Variants in CFAP54 observed in about 807,000 individuals in gnomAD.
CFAP54 encodes the protein cilia- and flagella-associated protein 54.
A neutral mutation model predicts 370.4 loss-of-function variants in CFAP54; 290 were observed. The observed-to-expected ratio is 0.78, with a 90% CI of 0.71 to 0.86. The LOEUF (loss-of-function observed/expected upper bound fraction) is 0.86. CFAP54 is among the 40% of genes least tolerant of loss of function. The probability of loss-of-function intolerance (pLI) is 0.00; values close to 1 mark genes in which losing one functional copy is unlikely to be tolerated. For missense variants in CFAP54, 3,399 were observed against 3,528.7 expected, an observed-to-expected ratio of 0.96 and a Z score of 0.93; for synonymous variants, 1,206 against 1,236.5, an observed-to-expected ratio of 0.98 and a Z score of 0.52.
At chr12:96,559,853 T>C (rs1955797460) in intron 17 of CFAP54, among the ~76,000 whole-genome samples, 1 of 152,102 alleles carries the variant, frequency 6.6e-6, no homozygotes, top group African/African-American at 2.4e-5. Flanking sequence ...ATATAGTCAA[T>C]TATTTTTTAG....
chr12:96,872,076 A>G (rs1960184008), intron 67 of CFAP54, among the ~76,000 whole-genome samples: 1 of 152,140 alleles, frequency 6.6e-6, no homozygotes. Context: ...TGGATTTAGG[A>G]AGTTCAATGA....
rs12296837 is a variant in CFAP54, at chr12:96,752,560, A to T, written c.7685-1183A>T. On this transcript the variant is annotated intron_variant, in intron 55 of 67. Coordinates refer to ENST00000524981, the MANE Select transcript of CFAP54 (RefSeq NM_001306084.2). Reference sequence around the variant, plus strand: ...ATCCAATCAATTAATTATTTCTCCTACTTCCATTCTCCTCTTTATGCCAAC... The same window carrying T: ...ATCCAATCAATTAATTATTTCTCCTTCTTCCATTCTCCTCTTTATGCCAAC... Among the ~76,000 whole-genome samples, 974 of 152,186 alleles carry T rather than the reference A, an allele frequency of 6.4e-3. 11 individuals carry two copies. The highest frequency in any genetic ancestry group is 0.022 in the African/African-American group (918 of 41,510).
intron 46 of CFAP54, among the ~76,000 whole-genome samples, chr12:96,700,670 G>T (rs1957482039): frequency 1.3e-5 from 2 of 152,108 alleles, no homozygotes; most frequent in South Asian, 4.2e-4. Context: ...GAATACTGGA[G>T]TTGACGTTTA....
At chr12:96,688,829 G>A in intron 42 of CFAP54, 87 bp from the exon 43 acceptor site, 1 of 659,900 alleles carries the variant, frequency 1.5e-6, no homozygotes, top group Non-Finnish European at 2.6e-6. Flanking sequence ...TACTTTTTGT[G>A]TTCTAGATAT....
At position 96,638,205 on chromosome 12, in the gene CFAP54, ATGTGTGTGTGTGTGTG is replaced by A. The variant is rs756775917; in HGVS notation, c.4317-5951_4317-5936del. On this transcript the variant is annotated intron_variant, in intron 32 of 67. Transcript: ENST00000524981. ...GCATCATATATATATATATATATGC[ATGTGTGTGTGTGTGTG>A]TGTGTGTGTGTGTGTGTGTGTATAT... Among the ~76,000 whole-genome samples, 16 of 122,658 alleles carry A rather than the reference ATGTGTGTGTGTGTGTG, an allele frequency of 1.3e-4. No individual in the cohort carries two copies. In the South Asian group the frequency reaches 1.4e-3, roughly 10 times the overall value. 80.5% of individuals were successfully genotyped at this position (122,658 alleles called of 152,430 possible). A position where few individuals can be genotyped will look rare whatever the true frequency, so the allele number is the denominator to read the frequency against.
chr12:96,639,880 C>A (rs1413140836), intron 32 of CFAP54, among the ~76,000 whole-genome samples: 1 of 152,152 alleles, frequency 6.6e-6, no homozygotes, highest in East Asian at 1.9e-4. Flanking sequence ...AATTGAACAA[C>A]ATTCTTGCTA....
chr12:96,702,224 A>G (rs79834344), intron 46 of CFAP54, among the ~76,000 whole-genome samples: 3 of 14,342 alleles, frequency 2.1e-4, no homozygotes, highest in African/African-American at 1.5e-3. Flanking sequence ...TCCAGATAGG[A>G]GCATGTTAAG....
intron 24 of CFAP54, 66 bp from the exon 25 acceptor site, chr12:96,594,225 C>G (rs1956152823): frequency 8.9e-7 from 1 of 1,119,644 alleles, no homozygotes; most frequent in African/African-American, 1.5e-5. Flanking sequence ...TCTACCCATT[C>G]TCCGTAGAGA....
intron 60 of CFAP54, among the ~76,000 whole-genome samples, chr12:96,778,587 G>A (rs1464420142): frequency 1.3e-5 from 2 of 151,920 alleles, no homozygotes; most frequent in Admixed American, 6.6e-5. Context: ...AATTGCTTTG[G>A]GCATTATTCC....
Position 96,580,640 on chromosome 12 carries a change from A to G in CFAP54, c.2840A>G (p.Tyr947Cys), listed in dbSNP as rs1956024076. ...CILGCKAEGS[Y>C]GKVRLNNNHL... ...TTGGGTTGCAAAGCAGAAGGAAGTTATGGAAAAGTACGGCTAAACAATAAT... is the reference window on the plus strand; with the variant it reads ...TTGGGTTGCAAAGCAGAAGGAAGTTGTGGAAAAGTACGGCTAAACAATAAT... The change falls in exon 21 of 68, where the codon TAT becomes TGT. Residue 947 changes from tyrosine to cysteine, a missense_variant. Tyr to Cys is a radical substitution (Grantham distance 194). This residue lies in a region of CFAP54 where 2,796 missense variants were observed against 2,869.7 expected (regional missense o/e 0.97). Transcript: ENST00000524981. 6.5e-7 allele frequency: 1 copy of G among 1,528,098 alleles called. No individual in the cohort carries two copies. The highest frequency in any genetic ancestry group is 2.5e-5 in the East Asian group (1 of 40,526). The allele number at this position is 1,528,098 out of a possible 1,614,324, so 94.7% of individuals were successfully genotyped here. A position where few individuals can be genotyped will look rare whatever the true frequency, so the allele number is the denominator to read the frequency against.
At chr12:96,626,604 T>C (rs1022192483) in intron 29 of CFAP54, among the ~76,000 whole-genome samples, 9 of 152,106 alleles carry the variant, frequency 5.9e-5, no homozygotes, top group Admixed American at 1.3e-4. Context: ...AGAAAATAAA[T>C]TTAATATAGA....
At chr12:96,752,837 T>C (rs1237890016) in intron 55 of CFAP54, among the ~76,000 whole-genome samples, 1 of 152,174 alleles carries the variant, frequency 6.6e-6, no homozygotes, top group South Asian at 2.1e-4. Context: ...TAGTTTAGAG[T>C]GTGGGCCCTG....
At chr12:96,846,621 G>T (rs1312638575) in intron 66 of CFAP54, among the ~76,000 whole-genome samples, 1 of 152,156 alleles carries the variant, frequency 6.6e-6, no homozygotes. Context: ...GTCTCCTTTG[G>T]TCGTATAGAA....
At chr12:96,689,113 C>A in intron 43 of CFAP54, 131 bp downstream of exon 43, 1 of 533,098 alleles carries the variant, frequency 1.9e-6, no homozygotes. Flanking sequence ...TATGACAAGC[C>A]CGTCTTTCTC....
At chr12:96,682,640 C>T (rs575573041) in intron 40 of CFAP54, among the ~76,000 whole-genome samples, 9 of 152,224 alleles carry the variant, frequency 5.9e-5, no homozygotes, top group Non-Finnish European at 1.3e-4. Flanking sequence ...CCTCCCAAAA[C>T]GCTGGTACAG....
At position 96,623,872 on chromosome 12, in the gene CFAP54, A is replaced by G. The variant is rs953322970; in HGVS notation, c.3877A>G (p.Thr1293Ala). The G allele has an allele frequency of 2.6e-6, 4 of 1,527,970 alleles. No individual in the cohort carries two copies. Among genetic ancestry groups the G allele is most frequent in the Non-Finnish European group, 2.6e-6 (3 of 1,140,438 alleles). The allele number at this position is 1,527,970 out of a possible 1,614,324, so 94.7% of individuals were successfully genotyped here. A position where few individuals can be genotyped will look rare whatever the true frequency, so the allele number is the denominator to read the frequency against. The change falls in exon 28 of 68, where the codon ACA (threonine) becomes GCA (alanine). Residue 1293 changes from threonine (T) to alanine (A), a missense_variant. Physicochemically the swap from Thr to Ala is moderately conservative, Grantham distance 58 (BLOSUM62 0). Transcript: ENST00000524981. ...GTTGGAGACACACCTACTCAAACTGACAAAGCAATGTAATCATTTGTTTTC... is the reference window on the plus strand; with the variant it reads ...GTTGGAGACACACCTACTCAAACTGGCAAAGCAATGTAATCATTTGTTTTC... ...ALLETHLLKL[T>A]KQYVTSELSG...
chr12:96,682,624 C>A (rs1194929917), intron 40 of CFAP54, among the ~76,000 whole-genome samples: 1 of 152,186 alleles, frequency 6.6e-6, no homozygotes, highest in Non-Finnish European at 1.5e-5. Context: ...TATAAGCCCA[C>A]CTGAGCCTCC....
chr12:96,861,657 T>A lies in CFAP54; in HGVS notation c.*14+705T>A, dbSNP rs1057366010. On this transcript the variant is annotated intron_variant, in intron 67 of 67. Transcript: ENST00000524981. Reference sequence around the variant, plus strand: ...TGCTAGCTTTGCTACTTTGGAGAATTAACTTAAATTCTGTAAGCTTTTATT... The same window carrying A: ...TGCTAGCTTTGCTACTTTGGAGAATAAACTTAAATTCTGTAAGCTTTTATT... Among the ~76,000 whole-genome samples the A allele has an allele frequency of 2.0e-5, 3 of 152,348 alleles. No individual in the cohort carries two copies. The East Asian group carries it at 5.8e-4, about 29-fold the overall frequency.
At position 96,693,706 on chromosome 12, in the gene CFAP54, G is replaced by GT. The variant is rs1201243012; in HGVS notation, c.6265-11dup. ...TAAAATATATTTTGAAACAAAGAGT[G>GT]TTTTTCTCCTGATAGGTTCTGCCTC... On this transcript the variant is annotated splice_polypyrimidine_tract_variant and intron_variant, in intron 44 of 67. Transcript: ENST00000524981. 6.7e-7 allele frequency: 1 copy of GT among 1,488,210 alleles called. No homozygotes were observed. The highest frequency in any genetic ancestry group is 1.4e-5 in the African/African-American group (1 of 71,012). 92.2% of individuals were successfully genotyped at this position (1,488,210 alleles called of 1,614,324 possible).
Sources: allele counts gnomAD v4.1 joint callset (sites outside exome capture counted in the v4.1 genomes callset), GRCh38; gene constraint gnomAD v4.1.1; regional missense constraint gnomAD v4.1.1; transcripts MANE v1.5; gene names NCBI Gene and HGNC (gene_info 2026-07-23, HGNC 2026-07-21).